The following CC2D2B variants were observed in gnomAD, a reference collection of about 807,000 sequenced individuals.
CC2D2B encodes coiled-coil and C2 domain containing 2B.
CC2D2B carries 128 observed loss-of-function variants against 161.2 expected under a neutral mutation model. The observed-to-expected ratio is 0.79, with a 90% CI of 0.69 to 0.92. The LOEUF (loss-of-function observed/expected upper bound fraction) is 0.92. Among genes scored for constraint, CC2D2B ranks in the 40% least tolerant of loss-of-function variants. The pLI is 0.00. For missense variants in CC2D2B, 1,173 were observed against 1,375.1 expected (o/e 0.85, Z 2.32); for synonymous variants, 391 against 449.8 (o/e 0.87, Z 1.65).
chr10:95,928,454 A>G (rs1564588521), intron 6 of CC2D2B, among the ~76,000 whole-genome samples: 2 of 152,054 alleles, frequency 1.3e-5, no homozygotes, highest in African/African-American at 4.8e-5. Flanking sequence ...ACATGTGCTG[A>G]ACTTGCAGGT....
chr10:95,979,338 AC>A (rs1195398076), intron 17 of CC2D2B, among the ~76,000 whole-genome samples: 2 of 152,086 alleles, frequency 1.3e-5, no homozygotes, highest in Non-Finnish European at 2.9e-5. Context: ...TGGAGTCATC[AC>A]AGATCTAGGT....
At chr10:95,947,470 G>A (rs1014567471) in intron 9 of CC2D2B, among the ~76,000 whole-genome samples, 6 of 151,608 alleles carry the variant, frequency 4.0e-5, no homozygotes, top group Non-Finnish European at 5.9e-5. Flanking sequence ...GTGGTCAGGT[G>A]CAGTGGCTCA....
intron 1 of CC2D2B, among the ~76,000 whole-genome samples, chr10:95,911,083 C>T (rs1337074276): frequency 6.6e-6 from 1 of 152,076 alleles, no homozygotes; most frequent in East Asian, 1.9e-4. Context: ...AGAGTTACAC[C>T]TCTTACTTCC....
chr10:95,937,594 G>C (rs984958978), intron 6 of CC2D2B, among the ~76,000 whole-genome samples: 1 of 150,860 alleles, frequency 6.6e-6, no homozygotes, highest in Non-Finnish European at 1.5e-5. Context: ...CACTTTAGGT[G>C]GTACTGTTTT....
intron 17 of CC2D2B, among the ~76,000 whole-genome samples, chr10:95,979,426 A>G (rs1380910198): frequency 6.6e-6 from 1 of 152,146 alleles, no homozygotes; most frequent in Non-Finnish European, 1.5e-5. Context: ...CTAGACTCAT[A>G]GCTTTCTAAA....
chr10:95,996,130 T>G lies in CC2D2B; in HGVS notation c.2740-13T>G. ...TATTTCAAAATCTAGTCAATGTTTA[T>G]TATGTGTTTCAGGATACTGTACATC... is the stretch of plus-strand genomic sequence containing the variant. On this transcript the variant is annotated splice_polypyrimidine_tract_variant and intron_variant, in intron 23 of 34. Transcript: ENST00000646931. The G allele has an allele frequency of 7.9e-7, 1 of 1,270,272 alleles. No individual in the cohort carries two copies. The highest frequency in any genetic ancestry group is 1.5e-5 in the African/African-American group (1 of 67,682). The allele number at this position is 1,270,272 out of a possible 1,614,324, so 78.7% of individuals were successfully genotyped here.
At chr10:96,002,159 G>A (rs1260755693) in intron 24 of CC2D2B, among the ~76,000 whole-genome samples, 1 of 152,106 alleles carries the variant, frequency 6.6e-6, no homozygotes, top group Non-Finnish European at 1.5e-5. Flanking sequence ...CTAATGAGAA[G>A]ACTTGGGAGT....
At position 95,992,509 on chromosome 10, in the gene CC2D2B, T is replaced by C; in HGVS notation, c.2472-18T>C. 1 of 1,233,850 alleles carries C rather than the reference T, an allele frequency of 8.1e-7. No individual in the cohort carries two copies. Among genetic ancestry groups the C allele is most frequent in the South Asian group, 4.1e-5 (1 of 24,404 alleles). 76.4% of individuals were successfully genotyped at this position (1,233,850 alleles called of 1,614,324 possible). Reference sequence around the variant, plus strand: ...AAGAAAACGTAAATGAGGCTAATGATCATTTTTTACCCTTTAGCCAATTGA... The same window carrying C: ...AAGAAAACGTAAATGAGGCTAATGACCATTTTTTACCCTTTAGCCAATTGA... On this transcript the variant is annotated intron_variant, in intron 21 of 34. Coordinates refer to ENST00000646931, the MANE Select transcript of CC2D2B (RefSeq NM_001349008.3).
At chr10:96,023,960 A>G (rs1489166788) in intron 32 of CC2D2B, among the ~76,000 whole-genome samples, 1 of 152,162 alleles carries the variant, frequency 6.6e-6, no homozygotes, top group Non-Finnish European at 1.5e-5. Flanking sequence ...TCCTTTTTAC[A>G]CAACCCTCAT....
intron 9 of CC2D2B, among the ~76,000 whole-genome samples, chr10:95,942,824 T>C (rs1414304457): frequency 1.3e-5 from 2 of 152,158 alleles, no homozygotes; most frequent in African/African-American, 4.8e-5. Context: ...GAAACTTTGA[T>C]GGATTTAATC....
intron 29 of CC2D2B, among the ~76,000 whole-genome samples, chr10:96,015,843 T>G (rs753892567): frequency 8.5e-5 from 13 of 152,182 alleles, no homozygotes; most frequent in Non-Finnish European, 1.5e-4. Context: ...TGATTCCCTA[T>G]CAGATAAGGT....
intron 2 of CC2D2B, among the ~76,000 whole-genome samples, chr10:95,917,666 A>G (rs2098518999): frequency 6.6e-6 from 1 of 151,982 alleles, no homozygotes; most frequent in African/African-American, 2.4e-5. Flanking sequence ...CAAACAAACA[A>G]GGAGAAAACT....
chr10:95,920,446 GA>G (rs1235486769), intron 2 of CC2D2B: 3 of 152,006 alleles, frequency 2.0e-5, no homozygotes, highest in Admixed American at 2.0e-4. Context: ...CAGCATGGGG[GA>G]AACCACCCCC....
chr10:95,983,650 T>C lies in CC2D2B; in HGVS notation c.2127T>C (p.Leu709=). 8.1e-7 allele frequency: 1 copy of C among 1,231,820 alleles called. No individual in the cohort carries two copies. The highest frequency in any genetic ancestry group is 1.0e-6 in the Non-Finnish European group (1 of 987,756). 76.3% of individuals were successfully genotyped at this position (1,231,820 alleles called of 1,614,324 possible). A position where few individuals can be genotyped will look rare whatever the true frequency, so the allele number is the denominator to read the frequency against. ...AGGATATTCCAAAGTATTTTCGTCT[T>C]GAACAGTTGCAAGATGAATTTAACT... ...KGQDIPKYFR[L]EQLQDEFNFV... The change falls in exon 19 of 35, where the codon CTT becomes CTC. Residue 709 remains leucine, a synonymous_variant. Transcript: ENST00000646931.
At chr10:96,030,133 G>A (rs964900653) in intron 34 of CC2D2B, among the ~76,000 whole-genome samples, 44 of 151,720 alleles carry the variant, frequency 2.9e-4, no homozygotes, top group African/African-American at 1.1e-3. Flanking sequence ...ATTTTTTTCT[G>A]GATATTTTCA....
intron 9 of CC2D2B, among the ~76,000 whole-genome samples, chr10:95,947,899 C>T (rs142573155): frequency 6.6e-6 from 1 of 152,258 alleles, no homozygotes; most frequent in Admixed American, 6.5e-5. Flanking sequence ...ATGGGAATTG[C>T]TTAGAGGGCC....
intron 30 of CC2D2B, among the ~76,000 whole-genome samples, chr10:96,018,194 T>C (rs766260388): frequency 6.6e-6 from 1 of 152,228 alleles, no homozygotes; most frequent in Non-Finnish European, 1.5e-5. Flanking sequence ...CTCAATAAAT[T>C]AAATAGTCTC....
intron 17 of CC2D2B, among the ~76,000 whole-genome samples, chr10:95,976,652 G>T (rs1367941699): frequency 3.9e-5 from 6 of 152,184 alleles, no homozygotes; most frequent in African/African-American, 1.4e-4. Flanking sequence ...AGAACTGAAA[G>T]GCAGTTTTGT....
chr10:95,925,708 C>T (rs1331457245), intron 5 of CC2D2B, among the ~76,000 whole-genome samples: 1 of 152,124 alleles, frequency 6.6e-6, no homozygotes, highest in Non-Finnish European at 1.5e-5. Context: ...AATCAGCAGT[C>T]GGGGCTGATA....
Sources: gnomAD v4.1 joint callset for allele counts (sites outside exome capture counted in the v4.1 genomes callset) on GRCh38, gnomAD v4.1.1 for gene constraint, MANE v1.5 for transcripts, NCBI Gene and HGNC (gene_info 2026-07-23, HGNC 2026-07-21) for gene names.